The following ANKRD36 variants were observed in gnomAD, a reference collection of about 807,000 sequenced individuals.
ANKRD36 encodes ankyrin repeat domain 36, also known as ankyrin repeat domain-containing protein 36A.
A neutral mutation model predicts 278.1 loss-of-function variants in ANKRD36; 179 were observed. The ratio of observed to expected loss-of-function variants is 0.64; its 90% confidence interval spans 0.57 to 0.73. The LOEUF is 0.73. Among genes scored for constraint, ANKRD36 ranks in the 30% least tolerant of loss-of-function variants. ANKRD36 has a pLI of 0.00. For missense variants in ANKRD36, 1,159 were observed against 1,956.7 expected, an observed-to-expected ratio of 0.59 and a Z score of 7.69; for synonymous variants, 320 against 641.1, an observed-to-expected ratio of 0.50 and a Z score of 7.57.
At chr2:97,150,529 T>C (rs924253757) in intron 12 of ANKRD36, among the ~76,000 whole-genome samples, 2 of 152,292 alleles carry the variant, frequency 1.3e-5, no homozygotes, top group Non-Finnish European at 1.5e-5. Context: ...TAACCTAATA[T>C]GCATGACATA....
At chr2:97,228,241 A>G (rs2070619151) in intron 67 of ANKRD36, among the ~76,000 whole-genome samples, 1 of 152,108 alleles carries the variant, frequency 6.6e-6, no homozygotes, top group Non-Finnish European at 1.5e-5. Flanking sequence ...CTCTGGTAGA[A>G]TTCGGCTGTG....
chr2:97,229,738 G>T (rs1237624926), intron 67 of ANKRD36, among the ~76,000 whole-genome samples: 1 of 152,002 alleles, frequency 6.6e-6, no homozygotes, highest in Non-Finnish European at 1.5e-5. Flanking sequence ...AGTCTCGATG[G>T]TCTTTATATT....
intron 22 of ANKRD36, among the ~76,000 whole-genome samples, chr2:97,178,882 A>G (rs1460288680): frequency 6.6e-6 from 1 of 151,682 alleles, no homozygotes; most frequent in Non-Finnish European, 1.5e-5. Context: ...TACTTTAACC[A>G]GACTATTTTA....
intron 3 of ANKRD36, among the ~76,000 whole-genome samples, chr2:97,120,853 G>C (rs2036607345): frequency 6.6e-6 from 1 of 152,082 alleles, no homozygotes; most frequent in Admixed American, 6.6e-5. Context: ...CAACATGGAA[G>C]GTTTAGGAGA....
chr2:97,123,957 T>TATATATATATA (rs1553540707), intron 4 of ANKRD36, among the ~76,000 whole-genome samples: 27 of 141,800 alleles, frequency 1.9e-4, no homozygotes, highest in African/African-American at 6.6e-4. Context: ...TCCTCCATAT[T>TATATATATATA]TATATATATA....
At chr2:97,133,758 T>C (rs921753609) in intron 6 of ANKRD36, among the ~76,000 whole-genome samples, 5 of 152,040 alleles carry the variant, frequency 3.3e-5, no homozygotes, top group Non-Finnish European at 7.4e-5. Flanking sequence ...AAAAAATTAA[T>C]AACTTTATTT....
chr2:97,125,315 G>T (rs2038281832), intron 5 of ANKRD36, among the ~76,000 whole-genome samples: 2 of 148,954 alleles, frequency 1.3e-5, no homozygotes, highest in Admixed American at 6.8e-5. Flanking sequence ...CTCAGCCATT[G>T]TTTCCAAAAC....
chr2:97,138,471 G>A (rs865933115), intron 6 of ANKRD36, among the ~76,000 whole-genome samples: 14 of 152,096 alleles, frequency 9.2e-5, no homozygotes, highest in Non-Finnish European at 1.9e-4. Context: ...CATGCTCATA[G>A]TTAGGAAGAA....
At chr2:97,220,710 T>C (rs1191161519) in intron 66 of ANKRD36, among the ~76,000 whole-genome samples, 1 of 149,536 alleles carries the variant, frequency 6.7e-6, no homozygotes, top group Admixed American at 6.7e-5. Flanking sequence ...ATTTCTCTTT[T>C]ATAATACTGA....
At chr2:97,134,676 TTTG>T (rs903864287) in intron 6 of ANKRD36, among the ~76,000 whole-genome samples, 3 of 151,958 alleles carry the variant, frequency 2.0e-5, no homozygotes, top group South Asian at 4.2e-4. Flanking sequence ...GTGACAAAGA[TTTG>T]TTGTTGTTGT....
rs927401716 is a variant in ANKRD36, at chr2:97,130,306, T to C, written c.799+3172T>C. Among the ~76,000 whole-genome samples the C allele has an allele frequency of 3.3e-5, 5 of 151,754 alleles. No homozygotes were observed. In the Admixed American group the frequency reaches 3.3e-4, roughly 10 times the overall value. ...TTCCTGTCCTTTGTAGGGACATGGA[T>C]GAAGCTGGAAAACATCACTCTCAGC... On this transcript the variant is annotated intron_variant, in intron 6 of 75. Coordinates refer to ENST00000420699, the MANE Select transcript of ANKRD36 (RefSeq NM_001354587.1).
chr2:97,124,325 C>G (rs1275596232), intron 4 of ANKRD36, 135 bp from the exon 5 acceptor site: 1 of 1,223,822 alleles, frequency 8.2e-7, no homozygotes, highest in Non-Finnish European at 1.1e-6. Flanking sequence ...CCCTTGAGCA[C>G]CCAAGATGCT....
intron 22 of ANKRD36, 120 bp from the exon 23 acceptor site, chr2:97,179,618 G>C (rs1169017290): frequency 8.4e-7 from 1 of 1,188,626 alleles, no homozygotes; most frequent in Non-Finnish European, 1.2e-6. Flanking sequence ...AAATATCAAA[G>C]CCTACAGTAA....
chr2:97,217,981 A>G (rs1469729380), intron 64 of ANKRD36, among the ~76,000 whole-genome samples: 12 of 152,066 alleles, frequency 7.9e-5, no homozygotes, highest in African/African-American at 2.4e-4. Context: ...TGGCTGCTCC[A>G]ATGACTACTG....
intron 8 of ANKRD36, among the ~76,000 whole-genome samples, chr2:97,144,089 G>C (rs71386029): frequency 6.6e-6 from 1 of 152,286 alleles, no homozygotes; most frequent in African/African-American, 2.4e-5. Flanking sequence ...AAGTTTAAGA[G>C]CATGATAAAT....
chr2:97,179,406 T>C (rs962530788), intron 22 of ANKRD36, among the ~76,000 whole-genome samples: 10 of 151,674 alleles, frequency 6.6e-5, no homozygotes, highest in Non-Finnish European at 8.8e-5. Flanking sequence ...CCCAGGAGTA[T>C]GAGTTGGACT....
rs974137728 is a variant in ANKRD36 at position 97,202,542 on chromosome 2, T to C, written c.2959+149T>C. The C allele has an allele frequency of 5.3e-6, 7 of 1,308,460 alleles. No individual in the cohort carries two copies. The African/African-American group carries it at 1.1e-4, about 21-fold the overall frequency. The allele number at this position is 1,308,460 out of a possible 1,614,324, so 81.1% of individuals were successfully genotyped here. A position where few individuals can be genotyped will look rare whatever the true frequency, so the allele number is the denominator to read the frequency against. On this transcript the variant is annotated intron_variant, in intron 48 of 75. Coordinates refer to ENST00000420699, the MANE Select transcript of ANKRD36 (RefSeq NM_001354587.1). ...TCATTTGTAGTAAGTTCTTGGGTGA[T>C]GCTGATGCTGCTGGTCTGGAACATG...
chr2:97,232,087 T>G (rs1396051793), intron 67 of ANKRD36, among the ~76,000 whole-genome samples: 3 of 151,948 alleles, frequency 2.0e-5, no homozygotes, highest in African/African-American at 4.8e-5. Flanking sequence ...TTTTCACTTC[T>G]TAGTTACAAT....
At chr2:97,146,218 C>T (rs988485935) in intron 10 of ANKRD36, among the ~76,000 whole-genome samples, 1 of 151,644 alleles carries the variant, frequency 6.6e-6, no homozygotes, top group Non-Finnish European at 1.5e-5. Context: ...CCACCCACCT[C>T]AGCCTCACAA....
Sources: gnomAD v4.1 joint callset for allele counts (sites outside exome capture counted in the v4.1 genomes callset) on GRCh38, gnomAD v4.1.1 for gene constraint, MANE v1.5 for transcripts, NCBI Gene and HGNC (gene_info 2026-07-23, HGNC 2026-07-21) for gene names.